BMPR1B: variants seen among roughly 807,000 people sequenced by gnomAD.
The protein encoded by BMPR1B is bone morphogenetic protein receptor type-1B.
In BMPR1B, 12 loss-of-function variants were observed where a neutral mutation model predicts 59.1. The observed-to-expected ratio is 0.20, with a 90% CI of 0.13 to 0.33. BMPR1B has a LOEUF of 0.33. Among genes scored for constraint, BMPR1B ranks in the 10% least tolerant of loss-of-function variants. The pLI is 1.00. For synonymous variants in BMPR1B, 237 were observed against 207.3 expected (o/e 1.14, Z -1.23); for missense variants, 550 against 610.9 (o/e 0.90, Z 1.05).
intron 12 of BMPR1B, among the ~76,000 whole-genome samples, 156 bp from the exon 13 acceptor site, chr4:95,154,392 T>C (rs1003731469): frequency 3.9e-5 from 6 of 152,210 alleles, no homozygotes; most frequent in Admixed American, 3.3e-4. Flanking sequence ...TATATAATTT[T>C]GCATGAAAAA....
At chr4:94,903,959 G>A (rs1465794631) in intron 2 of BMPR1B, among the ~76,000 whole-genome samples, 2 of 152,002 alleles carry the variant, frequency 1.3e-5, no homozygotes, top group Non-Finnish European at 2.9e-5. Context: ...TGTCACAGCA[G>A]CCCTAGCAAA....
rs1405100263 is a variant in BMPR1B at position 94,838,900 on chromosome 4, G to T, written c.-182-36931G>T. Among the ~76,000 whole-genome samples, 30 of 141,444 alleles carry T rather than the reference G, an allele frequency of 2.1e-4. No individual in the cohort carries two copies. The South Asian group carries it at 7.0e-3, about 33-fold the overall frequency. 92.8% of individuals were successfully genotyped at this position (141,444 alleles called of 152,430 possible). A position where few individuals can be genotyped will look rare whatever the true frequency, so the allele number is the denominator to read the frequency against. Reference sequence around the variant, plus strand: ...CTGCTTTCTCTTGTGGGCATTTAGTGCTATAAATTTCTCTCTACACACTGC... The same window carrying T: ...CTGCTTTCTCTTGTGGGCATTTAGTTCTATAAATTTCTCTCTACACACTGC... On this transcript the variant is annotated intron_variant, in intron 1 of 12. Coordinates refer to ENST00000515059, the MANE Select transcript of BMPR1B (RefSeq NM_001203.3).
intron 2 of BMPR1B, among the ~76,000 whole-genome samples, chr4:94,987,020 GA>G (rs1438644557): frequency 7.9e-6 from 1 of 126,190 alleles, no homozygotes; most frequent in Non-Finnish European, 1.6e-5. Flanking sequence ...CAGCCTGGGC[GA>G]CAGAGCCAGA....
chr4:94,930,762 A>G (rs928355101), intron 2 of BMPR1B, among the ~76,000 whole-genome samples: 1 of 152,168 alleles, frequency 6.6e-6, no homozygotes, highest in Non-Finnish European at 1.5e-5. Context: ...GGAAGTAATT[A>G]AATGTTTATC....
intron 1 of BMPR1B, among the ~76,000 whole-genome samples, chr4:94,805,675 A>T (rs970342914): frequency 1.3e-5 from 2 of 152,134 alleles, no homozygotes; most frequent in Admixed American, 6.5e-5. Context: ...TATTTTTCTG[A>T]TGGGGATAGG....
intron 3 of BMPR1B, among the ~76,000 whole-genome samples, chr4:95,054,042 G>A (rs1726734306): frequency 6.6e-6 from 1 of 152,144 alleles, no homozygotes; most frequent in Non-Finnish European, 1.5e-5. Context: ...GAGTGACAAA[G>A]CCGAGATTAA....
intron 1 of BMPR1B, among the ~76,000 whole-genome samples, chr4:94,818,134 CT>C (rs1430733320): frequency 2.0e-5 from 3 of 152,284 alleles, no homozygotes; most frequent in East Asian, 3.9e-4. Flanking sequence ...TCTTTGTATT[CT>C]GTCTCTTTTT....
intron 3 of BMPR1B, among the ~76,000 whole-genome samples, chr4:95,028,222 A>G (rs1427603309): frequency 6.6e-6 from 1 of 152,228 alleles, no homozygotes; most frequent in Non-Finnish European, 1.5e-5. Flanking sequence ...TCCCATAAGT[A>G]TAGCTCAGTA....
At chr4:95,069,461 A>G (rs1275204464) in intron 3 of BMPR1B, among the ~76,000 whole-genome samples, 1 of 152,196 alleles carries the variant, frequency 6.6e-6, no homozygotes, top group African/African-American at 2.4e-5. Context: ...ACTCCTGTCT[A>G]GAACACATTT....
chr4:95,136,783 A>C (rs983725463), intron 10 of BMPR1B, among the ~76,000 whole-genome samples: 6 of 151,778 alleles, frequency 4.0e-5, no homozygotes, highest in Non-Finnish European at 7.4e-5. Context: ...TATTGCATCT[A>C]TTTGATTCTT....
chr4:95,067,613 A>G (rs965697863), intron 3 of BMPR1B, among the ~76,000 whole-genome samples: 1 of 152,242 alleles, frequency 6.6e-6, no homozygotes, highest in African/African-American at 2.4e-5. Context: ...TTAGTCTTGT[A>G]AATAATAGAC....
At chr4:94,791,188 C>T (rs374996524) in intron 1 of BMPR1B, among the ~76,000 whole-genome samples, 1 of 152,066 alleles carries the variant, frequency 6.6e-6, no homozygotes, top group Non-Finnish European at 1.5e-5. Flanking sequence ...GGGGTTTCAC[C>T]ATGTTGGCCA....
intron 1 of BMPR1B, among the ~76,000 whole-genome samples, chr4:94,836,006 G>A (rs1166766334): frequency 3.4e-5 from 5 of 148,300 alleles, no homozygotes; most frequent in East Asian, 4.0e-4. Flanking sequence ...GAGAATGTGC[G>A]GTGTTTGGTT....
intron 2 of BMPR1B, among the ~76,000 whole-genome samples, chr4:94,945,428 T>C (rs1006754790): frequency 6.6e-6 from 1 of 152,176 alleles, no homozygotes; most frequent in African/African-American, 2.4e-5. Flanking sequence ...AGAAGAAATA[T>C]ATCTACTTCT....
At chr4:94,989,842 G>A (rs1172330468) in intron 2 of BMPR1B, among the ~76,000 whole-genome samples, 1 of 152,090 alleles carries the variant, frequency 6.6e-6, no homozygotes, top group African/African-American at 2.4e-5. Flanking sequence ...ATTTGGTCAT[G>A]GGGTTTTCTG....
At chr4:95,145,233 C>G (rs894520766) in intron 10 of BMPR1B, among the ~76,000 whole-genome samples, 23 of 152,278 alleles carry the variant, frequency 1.5e-4, no homozygotes, top group African/African-American at 5.1e-4. Context: ...TATGTCTCCT[C>G]TGTATGATTT....
intron 3 of BMPR1B, among the ~76,000 whole-genome samples, chr4:95,101,384 TCTC>T (rs1730808643): frequency 6.6e-6 from 1 of 152,082 alleles, no homozygotes; most frequent in African/African-American, 2.4e-5. Context: ...ACCCTTCTAA[TCTC>T]CTGCAGGGGT....
intron 3 of BMPR1B, chr4:95,103,551 A>G: frequency 1.1e-6 from 1 of 922,208 alleles, no homozygotes; most frequent in Non-Finnish European, 1.3e-6. Flanking sequence ...TCTGTGTAAC[A>G]TAAACATTCT....
intron 4 of BMPR1B, among the ~76,000 whole-genome samples, chr4:95,107,906 C>T (rs894750040): frequency 1.3e-5 from 2 of 152,090 alleles, no homozygotes; most frequent in African/African-American, 4.8e-5. Context: ...ACAGGGGCCA[C>T]ATTTGTTTCT....
Sources: allele counts gnomAD v4.1 joint callset (sites outside exome capture counted in the v4.1 genomes callset), GRCh38; gene constraint gnomAD v4.1.1; transcripts MANE v1.5; gene names NCBI Gene and HGNC (gene_info 2026-07-23, HGNC 2026-07-21).